The following ANKHD1 variants were observed in gnomAD, a reference collection of about 807,000 sequenced individuals.
The protein encoded by ANKHD1 is ankyrin repeat and KH domain containing 1.
Under a neutral mutation model 230.5 loss-of-function variants are expected in ANKHD1, and 31 were observed. That is an observed-to-expected ratio of 0.13 (90% CI 0.10 to 0.18). The LOEUF (loss-of-function observed/expected upper bound fraction) is 0.18. ANKHD1 is among the 10% of genes least tolerant of loss of function. The probability of loss-of-function intolerance (pLI) is 1.00; values close to 1 mark genes in which losing one functional copy is unlikely to be tolerated. For missense variants in ANKHD1, 2,256 were observed against 3,071.3 expected (o/e 0.73, Z 6.27); for synonymous variants, 1,074 against 1,117.6 (o/e 0.96, Z 0.78).
chr5:140,527,866 T>C lies in ANKHD1; in HGVS notation c.5088-7T>C. The C allele has an allele frequency of 1.2e-5, 19 of 1,610,084 alleles. No homozygotes were observed. The highest frequency in any genetic ancestry group is 1.6e-5 in the Non-Finnish European group (19 of 1,178,362). On this transcript the variant is annotated splice_region_variant and splice_polypyrimidine_tract_variant and intron_variant, in intron 27 of 33. Coordinates refer to ENST00000360839, the MANE Select transcript of ANKHD1 (RefSeq NM_017747.3). This position sits in a 1 kb window ranked among gnomAD's most constrained non-coding sequence, Gnocchi z 4.5. ...TCATAAGCTCATGTGTATTCTTCAT[T>C]TTATAGGTCAAAGAAATTGTCTGTT... is the stretch of plus-strand genomic sequence containing the variant.
At chr5:140,413,085 A>C (rs1581205939) in intron 1 of ANKHD1, among the ~76,000 whole-genome samples, 1 of 152,202 alleles carries the variant, frequency 6.6e-6, no homozygotes, top group Non-Finnish European at 1.5e-5. Context: ...AGAGAAAGGC[A>C]AGTATATCCC....
At chr5:140,462,904 G>T (rs1046945319) in intron 9 of ANKHD1, among the ~76,000 whole-genome samples, 3 of 152,012 alleles carry the variant, frequency 2.0e-5, no homozygotes, top group Admixed American at 6.6e-5. Flanking sequence ...GGAATGTAGT[G>T]GTGTGATTGT....
chr5:140,533,564 A>T (rs1347070480), intron 29 of ANKHD1, among the ~76,000 whole-genome samples: 1 of 152,004 alleles, frequency 6.6e-6, no homozygotes, highest in African/African-American at 2.4e-5. Flanking sequence ...GCGCCACTGG[A>T]CTCCAGCCTC....
rs192599637 is a variant in ANKHD1 at position 140,490,840 on chromosome 5, G to C, written c.2245+3780G>C. On this transcript the variant is annotated intron_variant, in intron 14 of 33. Transcript: ENST00000360839. ...AGTACTTCATTGGATCTTCCTTCCA[G>C]TTCTTGTCACTTTTGCTTGCTCCCC... Among the ~76,000 whole-genome samples, 123 of 151,720 alleles carry C rather than the reference G, an allele frequency of 8.1e-4. 2 individuals carry two copies. Among genetic ancestry groups the C allele is most frequent in the East Asian group, 1.2e-3 (6 of 5,112 alleles).
chr5:140,468,696 A>T (rs1776282782), intron 10 of ANKHD1, among the ~76,000 whole-genome samples: 1 of 152,172 alleles, frequency 6.6e-6, no homozygotes, highest in South Asian at 2.1e-4. Flanking sequence ...AATATATGTG[A>T]TATAACATCT....
intron 29 of ANKHD1, among the ~76,000 whole-genome samples, chr5:140,534,058 G>A (rs1753963210): frequency 6.6e-6 from 1 of 152,072 alleles, no homozygotes; most frequent in Admixed American, 6.5e-5. Flanking sequence ...GTCCAGAGTA[G>A]GCAAATCTAT....
At position 140,528,548 on chromosome 5, in the gene ANKHD1, C is replaced by G. The variant is rs1304000811; in HGVS notation, c.5602C>G (p.Arg1868Gly). Reference sequence around the variant, plus strand: ...GGCTGCTCAAACTATGCAACAGATTCGGCATCCTCGCTTACCCATGGCCCA... The same window carrying G: ...GGCTGCTCAAACTATGCAACAGATTGGGCATCCTCGCTTACCCATGGCCCA... The part of the protein sequence containing the change: ...LLAAQTMQQI[R>G]HPRLPMAQFG... The change falls in exon 29 of 34, where the codon CGG (arginine) becomes GGG (glycine). Residue 1868 changes from arginine to glycine, a missense_variant. Physicochemically the swap from Arg to Gly is moderately radical, Grantham distance 125 (BLOSUM62 -2). Transcript: ENST00000360839. 2 of 1,614,188 alleles carry G rather than the reference C, an allele frequency of 1.2e-6. No homozygotes were observed. The highest frequency in any genetic ancestry group is 1.7e-6 in the Non-Finnish European group (2 of 1,180,044).
At chr5:140,472,412 A>G in intron 10 of ANKHD1, 1 of 1,448,406 alleles carries the variant, frequency 6.9e-7, no homozygotes, top group Non-Finnish European at 9.1e-7. Flanking sequence ...CTGGGTGACA[A>G]AGGAAATCCT....
chr5:140,425,334 C>T (rs181649996), intron 1 of ANKHD1, among the ~76,000 whole-genome samples: 1 of 152,246 alleles, frequency 6.6e-6, no homozygotes, highest in African/African-American at 2.4e-5. Context: ...GATCATGGCT[C>T]ATGCAGCCTC....
intron 6 of ANKHD1, among the ~76,000 whole-genome samples, chr5:140,446,211 C>G (rs1774268141): frequency 6.6e-6 from 1 of 151,846 alleles, no homozygotes; most frequent in Non-Finnish European, 1.5e-5. Flanking sequence ...GAAGTTAACC[C>G]AACTACTTAG....
At chr5:140,474,252 T>C (rs567226372) in intron 10 of ANKHD1, among the ~76,000 whole-genome samples, 1 of 152,260 alleles carries the variant, frequency 6.6e-6, no homozygotes, top group Admixed American at 6.5e-5. Context: ...AAGGTAATGA[T>C]TAATATACAG....
At position 140,507,577 on chromosome 5, in the gene ANKHD1, G is replaced by C. The variant is rs996470636; in HGVS notation, c.3552-208G>C. Among the ~76,000 whole-genome samples the C allele has an allele frequency of 3.9e-5, 6 of 152,148 alleles. No individual in the cohort carries two copies. The highest frequency in any genetic ancestry group is 7.4e-5 in the Non-Finnish European group (5 of 68,022). On this transcript the variant is annotated intron_variant, in intron 19 of 33. Coordinates refer to ENST00000360839, the MANE Select transcript of ANKHD1 (RefSeq NM_017747.3). This position sits in a 1 kb window ranked among gnomAD's most constrained non-coding sequence, Gnocchi z 4.1. Reference sequence around the variant, plus strand: ...CCTCCTTGGCCTCCCAAAGTGCTGGGATTACAGGCATGAGCCACCATGTCT... The same window carrying C: ...CCTCCTTGGCCTCCCAAAGTGCTGGCATTACAGGCATGAGCCACCATGTCT...
Position 140,539,580 on chromosome 5 carries a change from A to C in ANKHD1, c.*162A>C. 1 of 779,738 alleles carries C rather than the reference A, an allele frequency of 1.3e-6. No individual in the cohort carries two copies. The highest frequency in any genetic ancestry group is 2.0e-6 in the Non-Finnish European group (1 of 508,314). The allele number at this position is 779,738 out of a possible 1,614,324, so 48.3% of individuals were successfully genotyped here. A position where few individuals can be genotyped will look rare whatever the true frequency, so the allele number is the denominator to read the frequency against. On this transcript the variant is annotated 3_prime_UTR_variant, in exon 34 of 34. Coordinates refer to ENST00000360839, the MANE Select transcript of ANKHD1 (RefSeq NM_017747.3). Reference sequence around the variant, plus strand: ...AACAAATTGATTTCCTATCCACCTGATTATGTTCTCTGGTTAGTTTAGCCA... The same window carrying C: ...AACAAATTGATTTCCTATCCACCTGCTTATGTTCTCTGGTTAGTTTAGCCA...
intron 31 of ANKHD1, 125 bp downstream of exon 31, chr5:140,537,714 G>A: frequency 7.3e-7 from 1 of 1,372,268 alleles, no homozygotes; most frequent in Non-Finnish European, 9.5e-7. Flanking sequence ...CACTCAATTA[G>A]GGAAGGGTGT....
At chr5:140,516,288 G>C (rs1753006117) in intron 24 of ANKHD1, among the ~76,000 whole-genome samples, 1 of 152,090 alleles carries the variant, frequency 6.6e-6, no homozygotes, top group Non-Finnish European at 1.5e-5. Flanking sequence ...AAGAAATATG[G>C]GACTATGTGA....
At chr5:140,446,504 G>T (rs1290420617) in intron 6 of ANKHD1, among the ~76,000 whole-genome samples, 1 of 152,064 alleles carries the variant, frequency 6.6e-6, no homozygotes, top group Non-Finnish European at 1.5e-5. Context: ...GGGACTACAG[G>T]CATGCACCAC....
At chr5:140,530,801 T>C (rs150612805) in intron 29 of ANKHD1, among the ~76,000 whole-genome samples, 119 of 152,370 alleles carry the variant, frequency 7.8e-4, no homozygotes, top group African/African-American at 2.7e-3. Context: ...AGCATTTCTC[T>C]TCCAGTTGGA....
At chr5:140,453,417 T>G (rs958262917) in intron 7 of ANKHD1, among the ~76,000 whole-genome samples, 5 of 152,092 alleles carry the variant, frequency 3.3e-5, no homozygotes, top group Admixed American at 3.3e-4. Context: ...ATTGTCAGAT[T>G]CACCAACGTT....
At chr5:140,479,250 G>A (rs993058353) in intron 10 of ANKHD1, among the ~76,000 whole-genome samples, 5 of 151,244 alleles carry the variant, frequency 3.3e-5, no homozygotes, top group East Asian at 3.9e-4. Context: ...CCCCCGCCTC[G>A]GCCTCCCAAA....
Sources: allele counts gnomAD v4.1 joint callset (sites outside exome capture counted in the v4.1 genomes callset), GRCh38; gene constraint gnomAD v4.1.1; non-coding constraint Gnocchi (gnomAD v3.1); transcripts MANE v1.5; gene names NCBI Gene and HGNC (gene_info 2026-07-23, HGNC 2026-07-21).